The following VDAC1 variants were observed in gnomAD, a reference collection of about 807,000 sequenced individuals.
VDAC1 encodes non-selective voltage-gated ion channel VDAC1.
In VDAC1, 10 loss-of-function variants were observed where a neutral mutation model predicts 34.7. That is an observed-to-expected ratio of 0.29 (90% CI 0.18 to 0.49). The LOEUF is 0.49. Among genes scored for constraint, VDAC1 ranks in the 20% least tolerant of loss-of-function variants. The pLI is 0.99. For missense variants in VDAC1, 230 were observed against 347.9 expected (o/e 0.66, Z 2.69); for synonymous variants, 130 against 136.0 (o/e 0.96, Z 0.30).
At chr5:134,017,118 C>G in the VDAC1 span, among the ~76,000 whole-genome samples, 1 of 152,228 alleles carries the variant, frequency 6.6e-6, no homozygotes, top group African/African-American at 2.4e-5. Context: ...CTTTTCTCCT[C>G]TCTTTCCTTA....
the VDAC1 span, among the ~76,000 whole-genome samples, chr5:134,102,936 T>C: frequency 1.3e-5 from 2 of 151,980 alleles, no homozygotes; most frequent in South Asian, 2.1e-4. Context: ...TTCTTTGGTG[T>C]TCAAAGGTGG....
the VDAC1 span, chr5:134,082,055 A>G: frequency 6.5e-6 from 1 of 154,306 alleles, no homozygotes; most frequent in African/African-American, 2.4e-5. Flanking sequence ...GTCAGCAGGG[A>G]GGGTAGGGAG....
At chr5:133,977,105 GC>G in intron 6 of VDAC1, among the ~76,000 whole-genome samples, 1 of 152,288 alleles carries the variant, frequency 6.6e-6, no homozygotes, top group South Asian at 2.1e-4. Flanking sequence ...AGAGAACACA[GC>G]CAGAAATGGC....
At chr5:134,035,063 C>T in the VDAC1 span, among the ~76,000 whole-genome samples, 1 of 151,926 alleles carries the variant, frequency 6.6e-6, no homozygotes, top group South Asian at 2.1e-4. Context: ...ACAATGAGGA[C>T]ATCTAATGCC....
chr5:133,983,270 AG>A (rs1172550414), intron 5 of VDAC1, among the ~76,000 whole-genome samples: 5 of 151,736 alleles, frequency 3.3e-5, no homozygotes, highest in African/African-American at 4.8e-5. Context: ...AAAAAGAAAA[AG>A]AAATGATCAA....
intron 1 of VDAC1, among the ~76,000 whole-genome samples, chr5:134,003,861 G>A (rs1561602781): frequency 1.3e-5 from 2 of 152,252 alleles, no homozygotes; most frequent in Non-Finnish European, 2.9e-5. Flanking sequence ...CACTAAGACT[G>A]CGGGCCTCTA....
At chr5:133,985,932 A>G (rs1158117422) in intron 5 of VDAC1, among the ~76,000 whole-genome samples, 1 of 152,188 alleles carries the variant, frequency 6.6e-6, no homozygotes, top group Non-Finnish European at 1.5e-5. Flanking sequence ...ACCAGTTGAC[A>G]TGGCACCCCC....
At chr5:133,984,134 C>T (rs1281687129) in intron 5 of VDAC1, among the ~76,000 whole-genome samples, 1 of 152,136 alleles carries the variant, frequency 6.6e-6, no homozygotes, top group Non-Finnish European at 1.5e-5. Flanking sequence ...TGGCTCACTA[C>T]AGCCCCTACC....
chr5:134,103,013 G>A, the VDAC1 span, among the ~76,000 whole-genome samples: 1 of 152,130 alleles, frequency 6.6e-6, no homozygotes, highest in Non-Finnish European at 1.5e-5. Flanking sequence ...TGCCCCTCCC[G>A]CAGGAGCCCT....
At chr5:134,017,444 G>A in the VDAC1 span, among the ~76,000 whole-genome samples, 1 of 151,772 alleles carries the variant, frequency 6.6e-6, no homozygotes, top group Non-Finnish European at 1.5e-5. Context: ...CAACAAGAGC[G>A]AAACTCCATC....
At chr5:134,064,555 C>T in the VDAC1 span, among the ~76,000 whole-genome samples, 34 of 152,166 alleles carry the variant, frequency 2.2e-4, no homozygotes, top group South Asian at 6.4e-3. Flanking sequence ...CTGCCCACCT[C>T]GGCCTCCCAA....
At chr5:134,028,184 G>C in the VDAC1 span, among the ~76,000 whole-genome samples, 1 of 151,956 alleles carries the variant, frequency 6.6e-6, no homozygotes, top group Admixed American at 6.6e-5. Context: ...CCAGGCTGGA[G>C]TGCAGTGGTG....
At chr5:133,995,488 AG>A (rs1196696853) in intron 1 of VDAC1, among the ~76,000 whole-genome samples, 1 of 152,094 alleles carries the variant, frequency 6.6e-6, no homozygotes, top group Non-Finnish European at 1.5e-5. Flanking sequence ...GCACCTGGCA[AG>A]GAAGACTCAC....
chr5:134,110,346 T>A, the VDAC1 span, among the ~76,000 whole-genome samples: 11 of 152,202 alleles, frequency 7.2e-5, no homozygotes, highest in Admixed American at 2.6e-4. Flanking sequence ...TCCTTCCTTA[T>A]GAAGAAAGAA....
intron 3 of VDAC1, 91 bp downstream of exon 3, chr5:133,992,215 G>A (rs1005091171): frequency 3.0e-5 from 30 of 1,002,434 alleles, no homozygotes; most frequent in Middle Eastern, 3.6e-4. Context: ...CAGCCTGGGC[G>A]ACAAGAGCAA....
chr5:134,085,733 A>AAAAAAAAAAAAAAAG, the VDAC1 span, among the ~76,000 whole-genome samples: 1 of 144,566 alleles, frequency 6.9e-6, no homozygotes, highest in Non-Finnish European at 1.5e-5. Flanking sequence ...AAAAAAAAAA[A>AAAAAAAAAAAAAAAG]AAAAAAAAAA....
chr5:134,051,276 C>T, the VDAC1 span, among the ~76,000 whole-genome samples: 1 of 152,382 alleles, frequency 6.6e-6, no homozygotes, highest in South Asian at 2.1e-4. Context: ...AGCTCTGATG[C>T]TGAGCCCGCT....
chr5:134,112,159 C>T, the VDAC1 span, among the ~76,000 whole-genome samples: 1 of 152,188 alleles, frequency 6.6e-6, no homozygotes, highest in Non-Finnish European at 1.5e-5. Context: ...CCCTCCTAAG[C>T]CATCCAGGCC....
the VDAC1 span, among the ~76,000 whole-genome samples, chr5:134,111,097 G>A: frequency 5.3e-3 from 804 of 152,302 alleles, 7 homozygotes; most frequent in African/African-American, 0.018. Flanking sequence ...GCAGGCCTGC[G>A]TATGACATCC....
Sources: gnomAD v4.1 joint callset for allele counts (sites outside exome capture counted in the v4.1 genomes callset) on GRCh38, gnomAD v4.1.1 for gene constraint, MANE v1.5 for transcripts, NCBI Gene and HGNC (gene_info 2026-07-23, HGNC 2026-07-21) for gene names.